SAMD8: variants seen among roughly 807,000 people sequenced by gnomAD.
SAMD8 encodes the protein sterile alpha motif domain containing 8, also known as sphingomyelin synthase-related protein 1.
A neutral mutation model predicts 42.0 loss-of-function variants in SAMD8; 20 were observed. That is an observed-to-expected ratio of 0.48 (90% CI 0.34 to 0.69). The LOEUF is 0.69. SAMD8 is among the 30% of genes least tolerant of loss of function. The pLI is 0.01. For missense variants in SAMD8, 328 were observed against 511.6 expected (o/e 0.64, Z 3.46); for synonymous variants, 162 against 173.0 (o/e 0.94, Z 0.50).
chr10:75,137,880 A>G (rs1055935688), intron 1 of SAMD8, among the ~76,000 whole-genome samples: 2 of 152,220 alleles, frequency 1.3e-5, no homozygotes, highest in East Asian at 1.9e-4. Flanking sequence ...AATTTTATGT[A>G]TAGTTAACCA....
At chr10:75,158,123 C>T (rs1199546055) in intron 2 of SAMD8, among the ~76,000 whole-genome samples, 1 of 150,356 alleles carries the variant, frequency 6.7e-6, no homozygotes. Flanking sequence ...CACACCATTG[C>T]ACTCCAGCCT....
chr10:75,171,110 C>T (rs1201551806), intron 4 of SAMD8, among the ~76,000 whole-genome samples: 7 of 149,458 alleles, frequency 4.7e-5, no homozygotes, highest in South Asian at 2.1e-4. Context: ...GATTATATTG[C>T]AAACATTGTT....
intron 1 of SAMD8, chr10:75,104,162 T>C (rs1848351563): frequency 1.7e-6 from 2 of 1,199,496 alleles, no homozygotes; most frequent in Non-Finnish European, 2.2e-6. Context: ...CTGGGACTTG[T>C]TGGGGCAGGG....
chr10:75,105,746 A>G, intron 1 of SAMD8: 1 of 1,554,362 alleles, frequency 6.4e-7, no homozygotes, highest in Non-Finnish European at 8.7e-7. Context: ...GGGAAGACCC[A>G]TCGGTGCTGC....
intron 1 of SAMD8, among the ~76,000 whole-genome samples, chr10:75,133,651 T>C (rs1849322554): frequency 6.6e-6 from 1 of 152,194 alleles, no homozygotes; most frequent in South Asian, 2.1e-4. Context: ...AGTCCTGTTA[T>C]TTGCAGCAAC....
chr10:75,166,759 G>A (rs1840691407), intron 3 of SAMD8, among the ~76,000 whole-genome samples: 1 of 152,176 alleles, frequency 6.6e-6, no homozygotes, highest in South Asian at 2.1e-4. Flanking sequence ...TCATGAACTT[G>A]AATTTATCTA....
intron 1 of SAMD8, among the ~76,000 whole-genome samples, chr10:75,128,297 T>C (rs897485697): frequency 6.6e-6 from 1 of 152,124 alleles, no homozygotes; most frequent in East Asian, 1.9e-4. Context: ...GGTCTGGAAC[T>C]CCTGACCTCA....
intron 1 of SAMD8, among the ~76,000 whole-genome samples, chr10:75,120,308 A>G (rs1304337154): frequency 6.6e-6 from 1 of 151,990 alleles, no homozygotes; most frequent in African/African-American, 2.4e-5. Context: ...GTCTCGCTCT[A>G]TTGCCCAGGC....
At chr10:75,161,745 G>A (rs1009423102) in intron 2 of SAMD8, among the ~76,000 whole-genome samples, 3 of 152,122 alleles carry the variant, frequency 2.0e-5, no homozygotes, top group Non-Finnish European at 4.4e-5. Context: ...CAGGGGCTGG[G>A]CGTGGTGGTT....
intron 2 of SAMD8, among the ~76,000 whole-genome samples, chr10:75,162,649 C>CAA (rs11354181): frequency 1.8e-4 from 16 of 89,808 alleles, no homozygotes; most frequent in Non-Finnish European, 3.0e-4. Flanking sequence ...AACTCCGTCT[C>CAA]AAAAAAAAAA....
intron 4 of SAMD8, among the ~76,000 whole-genome samples, chr10:75,171,452 C>A (rs928015974): frequency 2.0e-5 from 3 of 152,090 alleles, no homozygotes; most frequent in Non-Finnish European, 4.4e-5. Flanking sequence ...CAGGCGTGAG[C>A]CATCGCGCCC....
intron 3 of SAMD8, 24 bp from the exon 4 acceptor site, chr10:75,168,517 C>A: frequency 6.2e-7 from 1 of 1,606,034 alleles, no homozygotes; most frequent in South Asian, 1.1e-5. Flanking sequence ...TGATCTTTCC[C>A]CCTTTTTGGT....
intron 4 of SAMD8, among the ~76,000 whole-genome samples, chr10:75,169,599 C>T (rs1840797724): frequency 6.6e-6 from 1 of 151,854 alleles, no homozygotes; most frequent in Admixed American, 6.6e-5. Context: ...CTGGTTCCTT[C>T]ACTGTCCTCC....
At chr10:75,101,017 G>C (rs536311436) in intron 1 of SAMD8, among the ~76,000 whole-genome samples, 43 of 152,362 alleles carry the variant, frequency 2.8e-4, no homozygotes, top group African/African-American at 9.1e-4. Context: ...TCCACTCCAG[G>C]GAGGCCAGAC....
intron 2 of SAMD8, among the ~76,000 whole-genome samples, chr10:75,151,659 A>G (rs953343388): frequency 5.3e-5 from 8 of 150,936 alleles, no homozygotes; most frequent in African/African-American, 2.0e-4. Flanking sequence ...GGACTGCTTA[A>G]TTTATTTTTG....
chr10:75,111,499 C>G, upstream of SAMD8: 1 of 1,225,056 alleles, frequency 8.2e-7, no homozygotes, highest in Non-Finnish European at 1.0e-6. Flanking sequence ...GAAGCAGTTC[C>G]GGTTCGGCTC....
At chr10:75,145,981 A>G (rs1840121396) in intron 1 of SAMD8, among the ~76,000 whole-genome samples, 1 of 152,170 alleles carries the variant, frequency 6.6e-6, no homozygotes, top group South Asian at 2.1e-4. Context: ...TTCCTTACAT[A>G]CATGTGCTGA....
chr10:75,133,290 C>T (rs538201203), intron 1 of SAMD8, among the ~76,000 whole-genome samples: 1 of 152,200 alleles, frequency 6.6e-6, no homozygotes, highest in African/African-American at 2.4e-5. Flanking sequence ...ATAGCCCCAG[C>T]TACTTGGGAG....
intron 3 of SAMD8, 106 bp downstream of exon 3, chr10:75,164,846 G>T: frequency 1.2e-6 from 1 of 821,798 alleles, no homozygotes; most frequent in Non-Finnish European, 2.0e-6. Context: ...TTCCTTCTCT[G>T]GTCATTGTGA....
Sources: gnomAD v4.1 joint callset for allele counts (sites outside exome capture counted in the v4.1 genomes callset) on GRCh38, gnomAD v4.1.1 for gene constraint, MANE v1.5 for transcripts, NCBI Gene and HGNC (gene_info 2026-07-23, HGNC 2026-07-21) for gene names.